PTPRD: variants seen among roughly 807,000 people sequenced by gnomAD.
PTPRD encodes protein tyrosine phosphatase receptor type D.
In PTPRD, 34 loss-of-function variants were observed where a neutral mutation model predicts 214.5. That is an observed-to-expected ratio of 0.16 (90% confidence interval 0.12 to 0.21). The LOEUF (loss-of-function observed/expected upper bound fraction) is 0.21, where lower values mean the gene tolerates loss of function less well. Among genes scored for constraint, PTPRD ranks in the 10% least tolerant of loss-of-function variants. PTPRD has a pLI of 1.00. For synonymous variants in PTPRD, 1,128 were observed against 845.7 expected (o/e 1.33, Z -5.79); for missense variants, 2,545 against 2,398.7 (o/e 1.06, Z -1.27).
At position 9,110,565 on chromosome 9, in the gene PTPRD, T is replaced by C. The variant is rs538054040; in HGVS notation, c.-143+72739A>G. 8.1e-4 allele frequency among the ~76,000 whole-genome samples: 124 copies of C among 152,244 alleles called. 1 individual carries two copies. Among genetic ancestry groups the C allele is most frequent in the African/African-American group, 2.8e-3 (117 of 41,556 alleles). On this transcript the variant is annotated intron_variant, in intron 10 of 45. Coordinates refer to ENST00000381196, the MANE Select transcript of PTPRD (RefSeq NM_002839.4). ...CAGTCCCACTGTTTTTACAAAAATATTTCCTCCTTAAGACCAGAGGCTCAA... is the reference window on the plus strand; with the variant it reads ...CAGTCCCACTGTTTTTACAAAAATACTTCCTCCTTAAGACCAGAGGCTCAA...
At chr9:8,526,479 C>G (rs939016445) in intron 17 of PTPRD, 148 bp downstream of exon 17, 1 of 477,676 alleles carries the variant, frequency 2.1e-6, no homozygotes, top group Non-Finnish European at 3.7e-6. Flanking sequence ...ATATGAGAGT[C>G]ACTGATCATA....
intron 9 of PTPRD, among the ~76,000 whole-genome samples, chr9:9,248,520 G>A (rs1212338961): frequency 1.3e-5 from 2 of 152,090 alleles, no homozygotes; most frequent in Non-Finnish European, 2.9e-5. Context: ...CAATGGTGGA[G>A]ACAGATATGA....
chr9:8,386,559 G>A (rs2087140418), intron 37 of PTPRD, among the ~76,000 whole-genome samples: 1 of 152,146 alleles, frequency 6.6e-6, no homozygotes, highest in Admixed American at 6.5e-5. Flanking sequence ...CCCTTTATGA[G>A]GAAGACTGGT....
At chr9:9,445,518 T>C (rs920205310) in intron 8 of PTPRD, among the ~76,000 whole-genome samples, 6 of 152,144 alleles carry the variant, frequency 3.9e-5, no homozygotes, top group Admixed American at 1.3e-4. Context: ...TAGTTCTGCA[T>C]GGCTGGGAAG....
intron 9 of PTPRD, among the ~76,000 whole-genome samples, chr9:9,313,867 T>C (rs187515593): frequency 6.6e-6 from 1 of 152,246 alleles, no homozygotes; most frequent in Admixed American, 6.5e-5. Flanking sequence ...TCCAATTTAG[T>C]TTCACGTGTT....
chr9:10,524,331 G>C (rs574009829), intron 2 of PTPRD, among the ~76,000 whole-genome samples: 239 of 152,064 alleles, frequency 1.6e-3, no homozygotes, highest in African/African-American at 5.5e-3. Context: ...TAAATTTAAA[G>C]TCATTGTGTT....
At chr9:9,741,462 ATTATG>A (rs1564904066) in intron 6 of PTPRD, among the ~76,000 whole-genome samples, 4 of 95,846 alleles carry the variant, frequency 4.2e-5, no homozygotes, top group Non-Finnish European at 7.5e-5. Context: ...TTTTTTTTAA[ATTATG>A]ATTATACTTA....
intron 4 of PTPRD, among the ~76,000 whole-genome samples, chr9:9,992,305 T>A (rs2095966829): frequency 6.6e-6 from 1 of 152,110 alleles, no homozygotes; most frequent in African/African-American, 2.4e-5. Flanking sequence ...GTTATAATAA[T>A]AAAAATTCGT....
Position 8,723,297 on chromosome 9 carries a change from C to G in PTPRD, c.64+10483G>C, listed in dbSNP as rs370959402. Among the ~76,000 whole-genome samples, 28 of 152,152 alleles carry G rather than the reference C, an allele frequency of 1.8e-4. 1 individual carries two copies. The highest frequency in any genetic ancestry group is 6.8e-4 in the African/African-American group (28 of 41,438). The stretch of plus-strand genomic sequence containing the variant: ...ATTCTTCGGCTCAAGTGTTGTATCT[C>G]ACTCAGTAACACCTTCCTTGACATA... On this transcript the variant is annotated intron_variant, in intron 12 of 45. Coordinates refer to ENST00000381196, the MANE Select transcript of PTPRD (RefSeq NM_002839.4).
At chr9:10,333,615 G>A (rs757836689) in intron 3 of PTPRD, among the ~76,000 whole-genome samples, 3 of 151,864 alleles carry the variant, frequency 2.0e-5, no homozygotes, top group Non-Finnish European at 4.4e-5. Flanking sequence ...ATTTAAAAAG[G>A]TAAAATCTTA....
At chr9:10,489,000 T>C (rs560105667) in intron 2 of PTPRD, among the ~76,000 whole-genome samples, 1 of 152,232 alleles carries the variant, frequency 6.6e-6, no homozygotes, top group South Asian at 2.1e-4. Context: ...CCCTTTGTTT[T>C]TCCTTCCACT....
chr9:9,739,123 T>C (rs1395620187), intron 6 of PTPRD, among the ~76,000 whole-genome samples: 1 of 152,188 alleles, frequency 6.6e-6, no homozygotes, highest in Non-Finnish European at 1.5e-5. Flanking sequence ...CCTTTAACTT[T>C]ACTAAAAAGG....
intron 5 of PTPRD, among the ~76,000 whole-genome samples, chr9:9,913,593 T>A (rs2079843024): frequency 6.6e-6 from 1 of 152,072 alleles, no homozygotes; most frequent in Non-Finnish European, 1.5e-5. Context: ...GCACCCAGAA[T>A]CTGCAGACCC....
At chr9:9,561,953 T>C (rs1401758952) in intron 8 of PTPRD, among the ~76,000 whole-genome samples, 1 of 152,162 alleles carries the variant, frequency 6.6e-6, no homozygotes, top group Non-Finnish European at 1.5e-5. Flanking sequence ...ATGTCATCTC[T>C]GTGCCACCAA....
Position 9,979,749 on chromosome 9 carries a change from C to G in PTPRD, c.-471-41139G>C, listed in dbSNP as rs115884135. Reference sequence around the variant, plus strand: ...TTGCAACGAGTGGGAATTTACCAAACAGATTTTAAGACATACTGCAAACGC... The same window carrying G: ...TTGCAACGAGTGGGAATTTACCAAAGAGATTTTAAGACATACTGCAAACGC... On this transcript the variant is annotated intron_variant, in intron 4 of 45. Coordinates refer to ENST00000381196, the MANE Select transcript of PTPRD (RefSeq NM_002839.4). Among the ~76,000 whole-genome samples the G allele has an allele frequency of 3.5e-3, 529 of 152,202 alleles. 5 individuals are homozygous for G. Among genetic ancestry groups the G allele is most frequent in the African/African-American group, 0.012 (502 of 41,548 alleles).
Position 8,484,202 on chromosome 9 carries a change from G to C in PTPRD, c.3330C>G (p.Thr1110=), listed in dbSNP as rs929520127. ...TAKTAPDVLR[T]KPAFIGKTNL... is the part of the protein sequence containing the mutation. ...TGGTCTTCCCAATGAAGGCAGGCTT[G>C]GTACGTAATACATCTGGTGCAGTCT... The change falls in exon 30 of 46, where the codon ACC becomes ACG. Residue 1110 remains threonine (T), a synonymous_variant. Coordinates refer to ENST00000381196, the MANE Select transcript of PTPRD (RefSeq NM_002839.4). The C allele has an allele frequency of 5.6e-6, 9 of 1,614,044 alleles. No individual in the cohort carries two copies. In the African/African-American group the frequency reaches 8.0e-5, roughly 14 times the overall value.
intron 2 of PTPRD, among the ~76,000 whole-genome samples, chr9:10,604,209 C>T (rs1475492203): frequency 1.3e-5 from 2 of 151,568 alleles, no homozygotes; most frequent in Non-Finnish European, 3.0e-5. Context: ...GCTTCTTCAT[C>T]TCTGTATTCA....
chr9:8,835,374 G>A (rs1363355811), intron 11 of PTPRD, among the ~76,000 whole-genome samples: 1 of 152,170 alleles, frequency 6.6e-6, no homozygotes, highest in African/African-American at 2.4e-5. Context: ...CAAGCACCAA[G>A]CACCAAGGTC....
chr9:8,766,315 T>C (rs992461797), intron 11 of PTPRD, among the ~76,000 whole-genome samples: 7 of 151,960 alleles, frequency 4.6e-5, no homozygotes, highest in Admixed American at 2.6e-4. Context: ...ATGTGCACTG[T>C]AGGTGAGTCA....
Sources: gnomAD v4.1 joint callset for allele counts (sites outside exome capture counted in the v4.1 genomes callset) on GRCh38, gnomAD v4.1.1 for gene constraint, MANE v1.5 for transcripts, NCBI Gene and HGNC (gene_info 2026-07-23, HGNC 2026-07-21) for gene names.